The following FRMD7 variants were observed in gnomAD, a reference collection of about 807,000 sequenced individuals.
FRMD7 encodes FERM domain containing 7.
Under a neutral mutation model 44.1 loss-of-function variants are expected in FRMD7, and 14 were observed. The observed-to-expected ratio is 0.32, with a 90% CI of 0.21 to 0.50. FRMD7 has a LOEUF of 0.50. Among genes scored for constraint, FRMD7 ranks in the 20% least tolerant of loss-of-function variants. The pLI is 0.99. For missense variants in FRMD7, 501 were observed against 522.3 expected (o/e 0.96, Z 0.40); for synonymous variants, 212 against 187.4 (o/e 1.13, Z -1.07).
In FRMD7 at chrX:132,096,190, C is replaced by T. The variant is rs1482574493; in HGVS notation, c.284+1076G>A. Among the ~76,000 whole-genome samples the T allele has an allele frequency of 2.7e-5, 3 of 111,554 alleles. No individual in the cohort carries two copies. The East Asian group carries it at 8.4e-4, about 31-fold the overall frequency. Reference sequence around the variant, plus strand: ...GAGAGAGAATTAGGAGAGAGAAAGACAGAAAGAGAGGCTTGTAAAAAGCGA... The same window carrying T: ...GAGAGAGAATTAGGAGAGAGAAAGATAGAAAGAGAGGCTTGTAAAAAGCGA... On this transcript the variant is annotated intron_variant, in intron 4 of 11. Transcript: ENST00000298542.
chrX:132,087,474 TAATAAA>T (rs764296268), intron 5 of FRMD7, among the ~76,000 whole-genome samples: 1 of 111,342 alleles, frequency 9.0e-6, no homozygotes, highest in East Asian at 2.8e-4. Flanking sequence ...AATCACAATA[TAATAAA>T]AATCTCCATA....
chrX:132,116,954 T>C (rs1036733718), intron 1 of FRMD7, among the ~76,000 whole-genome samples: 1 of 112,268 alleles, frequency 8.9e-6, no homozygotes, highest in African/African-American at 3.2e-5. Context: ...TTAATCCAGC[T>C]TGCCCCTGTT....
intron 5 of FRMD7, among the ~76,000 whole-genome samples, chrX:132,091,670 CAA>C (rs35822147): frequency 3.7e-4 from 18 of 48,105 alleles, no homozygotes; most frequent in African/African-American, 3.6e-4. Flanking sequence ...ACTAAAAATA[CAA>C]AAAAAAAAAA....
chrX:132,081,279 C>A (rs1211857217), intron 9 of FRMD7, among the ~76,000 whole-genome samples: 1 of 111,592 alleles, frequency 9.0e-6, no homozygotes, highest in Non-Finnish European at 1.9e-5. Context: ...TTGCAGTGAG[C>A]CGAGATCGCG....
chrX:132,120,227 G>C (rs1242189979), intron 1 of FRMD7, among the ~76,000 whole-genome samples: 1 of 112,706 alleles, frequency 8.9e-6, no homozygotes, highest in African/African-American at 3.2e-5. Context: ...TTTGTGACAG[G>C]TCAAAACAAT....
chrX:132,117,610 G>A (rs1251601671), intron 1 of FRMD7, among the ~76,000 whole-genome samples: 1 of 111,474 alleles, frequency 9.0e-6, no homozygotes, highest in South Asian at 3.8e-4. Context: ...AAACAGAAAA[G>A]CAAGAAGAAA....
rs755054807 is a variant in FRMD7 at position 132,078,491 on chromosome X, G to A, written c.1526C>T (p.Ser509Phe). 4 of 1,210,130 alleles carry A rather than the reference G, an allele frequency of 3.3e-6. No homozygotes were observed. Among genetic ancestry groups the A allele is most frequent in the Non-Finnish European group, 4.5e-6 (4 of 894,300 alleles). ...TGTCCTTTCCTCTGCTCTAATTGGGGACCATCTGGGCACCTGGGGTGGCTT... is the reference window on the plus strand; with the variant it reads ...TGTCCTTTCCTCTGCTCTAATTGGGAACCATCTGGGCACCTGGGGTGGCTT... ...VDKPPQVPRWSPIRAEERTSP... is the reference protein window; with the variant it reads ...VDKPPQVPRWFPIRAEERTSP... The change falls in exon 12 of 12, where the codon TCC (serine) becomes TTC (phenylalanine). Residue 509 changes from serine to phenylalanine, a missense_variant. Around this residue, in one of 3 missense-constraint regions of FRMD7, gnomAD observed 453 missense variants for 452.7 expected, o/e 1.00. Transcript: ENST00000298542.
intron 5 of FRMD7, among the ~76,000 whole-genome samples, chrX:132,091,808 C>T (rs1432309255): frequency 9.0e-6 from 1 of 111,502 alleles, no homozygotes; most frequent in Admixed American, 9.5e-5. Context: ...GCACTCCAGC[C>T]TGGCTGATAG....
chrX:132,100,047 A>C (rs1462869663), intron 2 of FRMD7, among the ~76,000 whole-genome samples: 2 of 112,344 alleles, frequency 1.8e-5, no homozygotes, highest in Non-Finnish European at 3.8e-5. Context: ...AGGCTCTGGA[A>C]AGGCAAAATT....
intron 9 of FRMD7, among the ~76,000 whole-genome samples, chrX:132,081,466 C>G (rs984417695): frequency 3.1e-4 from 35 of 113,091 alleles, no homozygotes; most frequent in African/African-American, 1.1e-3. Context: ...CATTATTGCA[C>G]TACAGCTGCC....
intron 1 of FRMD7, among the ~76,000 whole-genome samples, chrX:132,119,518 T>C (rs994278834): frequency 9.0e-6 from 1 of 111,573 alleles, no homozygotes; most frequent in East Asian, 2.8e-4. Flanking sequence ...TGAAGCGCCA[T>C]GCCTAAGTGC....
chrX:132,084,261 A>C (rs991583356), intron 8 of FRMD7, among the ~76,000 whole-genome samples: 1 of 111,610 alleles, frequency 9.0e-6, no homozygotes, highest in Non-Finnish European at 1.9e-5. Flanking sequence ...GAGCTGCCCC[A>C]TTTTCCTATT....
chrX:132,124,009 G>A (rs1391788293), intron 1 of FRMD7, among the ~76,000 whole-genome samples: 2 of 111,695 alleles, frequency 1.8e-5, no homozygotes, highest in Non-Finnish European at 3.8e-5. Context: ...AACCTGAGAT[G>A]AGCAAACAAG....
intron 4 of FRMD7, among the ~76,000 whole-genome samples, chrX:132,095,630 A>G (rs73568083): frequency 2.0e-3 from 226 of 112,309 alleles, no homozygotes; most frequent in African/African-American, 7.1e-3. Context: ...AATCTTTCAA[A>G]TTATGAGCTC....
intron 5 of FRMD7, among the ~76,000 whole-genome samples, chrX:132,090,618 T>G (rs190434480): frequency 1.8e-5 from 2 of 111,491 alleles, no homozygotes; most frequent in African/African-American, 6.5e-5. Context: ...GGAAATGTTT[T>G]AAAACTGGAT....
intron 2 of FRMD7, 71 bp downstream of exon 2, chrX:132,100,541 A>G (rs1176905990): frequency 1.4e-6 from 1 of 706,580 alleles, no homozygotes; most frequent in African/African-American, 2.1e-5. Flanking sequence ...ATTGAACCCT[A>G]CATACCTAGC....
chrX:132,080,587 G>A (rs1478298470), intron 9 of FRMD7, among the ~76,000 whole-genome samples: 1 of 111,859 alleles, frequency 8.9e-6, no homozygotes, highest in Non-Finnish European at 1.9e-5. Flanking sequence ...GCTGAGGCAG[G>A]AGGATGACTC....
chrX:132,102,362 G>A (rs1928523363), intron 1 of FRMD7, among the ~76,000 whole-genome samples: 1 of 111,957 alleles, frequency 8.9e-6, no homozygotes, highest in African/African-American at 3.2e-5. Context: ...TGGAGACAGA[G>A]CTGCTCTACC....
At chrX:132,126,027 T>G (rs1365728243) in intron 1 of FRMD7, among the ~76,000 whole-genome samples, 2 of 111,423 alleles carry the variant, frequency 1.8e-5, no homozygotes, top group African/African-American at 6.5e-5. Flanking sequence ...CTTTGTAAAT[T>G]TTAAAGTGCT....
Sources: allele counts gnomAD v4.1 joint callset (sites outside exome capture counted in the v4.1 genomes callset), GRCh38; gene constraint gnomAD v4.1.1; regional missense constraint gnomAD v4.1.1; transcripts MANE v1.5; gene names NCBI Gene and HGNC (gene_info 2026-07-23, HGNC 2026-07-21).